Variants in KCNU1 observed in about 807,000 individuals in gnomAD.
The protein encoded by KCNU1 is potassium channel subfamily U member 1.
In KCNU1, 93 loss-of-function variants were observed where a neutral mutation model predicts 126.8. The observed-to-expected ratio is 0.73, with a 90% confidence interval of 0.62 to 0.87. The LOEUF is 0.87. Among genes scored for constraint, KCNU1 ranks in the 40% least tolerant of loss-of-function variants. The pLI is 0.00. For missense variants in KCNU1, 1,330 were observed against 1,367.1 expected, an observed-to-expected ratio of 0.97 and a Z score of 0.43; for synonymous variants, 523 against 494.2, an observed-to-expected ratio of 1.06 and a Z score of -0.77.
At chr8:36,823,900 C>T (rs1216965950) in intron 10 of KCNU1, among the ~76,000 whole-genome samples, 4 of 144,042 alleles carry the variant, frequency 2.8e-5, no homozygotes, top group Admixed American at 1.4e-4. Flanking sequence ...TGCAATGGTG[C>T]GATCTCAGTT....
At chr8:36,928,038 G>A (rs551910948) in intron 24 of KCNU1, among the ~76,000 whole-genome samples, 2 of 151,488 alleles carry the variant, frequency 1.3e-5, no homozygotes, top group African/African-American at 4.8e-5. Context: ...GACGGAGGGA[G>A]GGAAAGGGAA....
In KCNU1 at chr8:36,836,312, A is replaced by C. The variant is rs769395472; in HGVS notation, c.1312A>C (p.Asn438His). The C allele has an allele frequency of 6.2e-7, 1 of 1,607,064 alleles. No individual in the cohort carries two copies. The highest frequency in any genetic ancestry group is 1.3e-5 in the African/African-American group (1 of 74,886). The change falls in exon 13 of 27, where the codon AAC becomes CAC. Residue 438 changes from asparagine to histidine, a missense_variant. By Grantham distance (68) the Asn-to-His change is moderately conservative. Around this residue, in one of 3 missense-constraint regions of KCNU1, gnomAD observed 1,054 missense variants for 1,053.9 expected, o/e 1.00. Coordinates refer to ENST00000399881, the MANE Select transcript of KCNU1 (RefSeq NM_001031836.3). ...SNIMRVLSIKNYDSTTRIIIQ... is the reference protein window; with the variant it reads ...SNIMRVLSIKHYDSTTRIIIQ... Reference sequence around the variant, plus strand: ...TTTATATAGGGTGCTCTCTATCAAGAACTATGATTCTACCACCAGAATCAT... The same window carrying C: ...TTTATATAGGGTGCTCTCTATCAAGCACTATGATTCTACCACCAGAATCAT...
chr8:36,798,671 C>G (rs1035597429), intron 2 of KCNU1, among the ~76,000 whole-genome samples: 2 of 152,192 alleles, frequency 1.3e-5, no homozygotes, highest in African/African-American at 4.8e-5. Flanking sequence ...TCCCAGGTCT[C>G]CAGACAAACT....
At chr8:36,807,266 C>T (rs1216982628) in intron 5 of KCNU1, 109 bp from the exon 6 acceptor site, 1 of 779,498 alleles carries the variant, frequency 1.3e-6, no homozygotes, top group Admixed American at 2.1e-5. Context: ...AGATTTGGAA[C>T]ACGTCTAGAA....
At chr8:36,910,550 T>G (rs1807828685) in intron 21 of KCNU1, among the ~76,000 whole-genome samples, 1 of 152,146 alleles carries the variant, frequency 6.6e-6, no homozygotes, top group Non-Finnish European at 1.5e-5. Flanking sequence ...CTAGCAATAT[T>G]GTGAGGATGC....
At chr8:36,881,782 T>G (rs1806488140) in intron 19 of KCNU1, among the ~76,000 whole-genome samples, 1 of 143,522 alleles carries the variant, frequency 7.0e-6, no homozygotes, top group African/African-American at 2.6e-5. Context: ...ATGGTGTTGC[T>G]GGGAAAAGTC....
intron 9 of KCNU1, 64 bp from the exon 10 acceptor site, chr8:36,817,586 A>C (rs1342029435): frequency 1.3e-6 from 1 of 782,528 alleles, no homozygotes; most frequent in Admixed American, 1.8e-5. Context: ...ATTTATCTCT[A>C]AATGCTGACA....
chr8:36,874,126 C>G (rs1806199829), intron 19 of KCNU1, among the ~76,000 whole-genome samples: 1 of 152,012 alleles, frequency 6.6e-6, no homozygotes, highest in Admixed American at 6.6e-5. Flanking sequence ...TTACTTATTT[C>G]ACTCTGAAAT....
At position 36,935,791 on chromosome 8, in the gene KCNU1, G is replaced by A. The variant is rs773316465; in HGVS notation, c.3321G>A (p.Trp1107Ter). The A allele has an allele frequency of 7.4e-6, 12 of 1,613,324 alleles. No homozygotes were observed. The South Asian group carries it at 1.3e-4, about 18-fold the overall frequency. The change falls in exon 27 of 27, where the codon TGG (tryptophan) becomes TGA (stop). Residue 1107 changes from tryptophan to a stop codon, truncating the protein, a stop_gained. Coordinates refer to ENST00000399881, the MANE Select transcript of KCNU1 (RefSeq NM_001031836.3). LOFTEE classifies it low-confidence loss of function (END_TRUNC). ...TCTCTTTTCCTAAGCAAATAGCATGGAATCAGAGTAGAACAAACAGTATTA... is the reference window on the plus strand; with the variant it reads ...TCTCTTTTCCTAAGCAAATAGCATGAAATCAGAGTAGAACAAACAGTATTA... ...NSLSFPKQIA[W>*]NQSRTNSIIS... is the part of the protein sequence containing the mutation.
chr8:36,792,544 A>G (rs1802940823), intron 2 of KCNU1, among the ~76,000 whole-genome samples: 1 of 152,204 alleles, frequency 6.6e-6, no homozygotes, highest in Admixed American at 6.5e-5. Context: ...CCTAACATTG[A>G]TGAAGCTGCG....
chr8:36,898,270 T>C (rs10098167), intron 19 of KCNU1, among the ~76,000 whole-genome samples: 58,651 of 151,796 alleles, frequency 0.39, 11,476 homozygotes, highest in Admixed American at 0.44. Flanking sequence ...TCCTCTGCAG[T>C]GTTTGATACC....
intron 19 of KCNU1, among the ~76,000 whole-genome samples, chr8:36,876,414 G>A (rs1213799678): frequency 1.3e-5 from 2 of 152,148 alleles, no homozygotes; most frequent in African/African-American, 4.8e-5. Flanking sequence ...TCAGTCTTTA[G>A]GGAATCAGGA....
chr8:36,804,951 C>T (rs1322929386), intron 3 of KCNU1, among the ~76,000 whole-genome samples: 2 of 152,166 alleles, frequency 1.3e-5, no homozygotes, highest in African/African-American at 4.8e-5. Flanking sequence ...AGAACCAATA[C>T]ATCCTACAAA....
At chr8:36,785,700 TCCTTGTTTCTA>T (rs1338007618) in intron 1 of KCNU1, among the ~76,000 whole-genome samples, 1 of 152,200 alleles carries the variant, frequency 6.6e-6, no homozygotes, top group African/African-American at 2.4e-5. Context: ...TGGATCTGCC[TCCTTGTTTCTA>T]CCTTGTTTTG....
At chr8:36,930,503 T>C (rs1456687836) in intron 24 of KCNU1, among the ~76,000 whole-genome samples, 2 of 152,112 alleles carry the variant, frequency 1.3e-5, no homozygotes, top group Non-Finnish European at 2.9e-5. Context: ...TAAATCCACA[T>C]CCACAAGGCT....
intron 8 of KCNU1, 136 bp from the exon 9 acceptor site, chr8:36,815,460 C>G (rs1338644977): frequency 8.2e-6 from 4 of 485,010 alleles, no homozygotes; most frequent in Non-Finnish European, 1.5e-5. Context: ...AAAACGAGGT[C>G]CCTTTAACAT....
chr8:36,836,980 G>A (rs369682205), intron 14 of KCNU1, 35 bp downstream of exon 14: 92 of 1,607,730 alleles, frequency 5.7e-5, no homozygotes, highest in Non-Finnish European at 7.0e-5. Flanking sequence ...TCTTGGCTCT[G>A]TTCCTATGTC....
At chr8:36,837,660 T>A (rs937131913) in intron 14 of KCNU1, among the ~76,000 whole-genome samples, 4 of 152,230 alleles carry the variant, frequency 2.6e-5, no homozygotes, top group Non-Finnish European at 5.9e-5. Flanking sequence ...ATTTTTGATA[T>A]TTTTGTCTGA....
chr8:36,787,557 C>G, intron 2 of KCNU1, 132 bp downstream of exon 2: 1 of 686,196 alleles, frequency 1.5e-6, no homozygotes, highest in African/African-American at 1.8e-5. Context: ...ATATCACCAC[C>G]TCCCCATCCC....
Sources: gnomAD v4.1 joint callset for allele counts (sites outside exome capture counted in the v4.1 genomes callset) on GRCh38, gnomAD v4.1.1 for gene constraint, gnomAD v4.1.1 regional missense constraint, MANE v1.5 for transcripts, NCBI Gene and HGNC (gene_info 2026-07-23, HGNC 2026-07-21) for gene names.